The following GABRA3 variants were observed in gnomAD, a reference collection of about 807,000 sequenced individuals.
GABRA3 encodes gamma-aminobutyric acid receptor subunit alpha-3.
A neutral mutation model predicts 30.1 loss-of-function variants in GABRA3; 10 were observed. The observed-to-expected ratio is 0.33, with a 90% CI of 0.20 to 0.56. GABRA3 has a LOEUF of 0.56. GABRA3 is among the 20% of genes least tolerant of loss of function. The pLI, the probability that GABRA3 is intolerant of heterozygous loss-of-function variation, is 0.89. For missense variants in GABRA3, 233 were observed against 392.0 expected, an observed-to-expected ratio of 0.59 and a Z score of 3.42; for synonymous variants, 151 against 146.8, an observed-to-expected ratio of 1.03 and a Z score of -0.21.
chrX:152,182,569 T>C (rs1472771026), intron 9 of GABRA3, among the ~76,000 whole-genome samples: 19 of 77,309 alleles, frequency 2.5e-4, no homozygotes, highest in African/African-American at 9.9e-4. Context: ...ATATATACTA[T>C]ATATGCATAT....
intron 5 of GABRA3, among the ~76,000 whole-genome samples, chrX:152,238,794 G>C (rs1449718078): frequency 4.6e-5 from 5 of 107,970 alleles, no homozygotes; most frequent in African/African-American, 1.3e-4. Flanking sequence ...GGTGTTTGTA[G>C]TATTCTCTGA....
intron 4 of GABRA3, among the ~76,000 whole-genome samples, chrX:152,268,673 TC>T (rs1411570525): frequency 9.0e-6 from 1 of 111,702 alleles, no homozygotes; most frequent in Non-Finnish European, 1.9e-5. Flanking sequence ...GCTCAAGTGA[TC>T]CTCCCACCTC....
At chrX:152,301,282 A>C (rs1435313219) in intron 3 of GABRA3, among the ~76,000 whole-genome samples, 1 of 111,929 alleles carries the variant, frequency 8.9e-6, no homozygotes, top group African/African-American at 3.2e-5. Flanking sequence ...TTAGGAAAGA[A>C]GTAAAAATAA....
intron 6 of GABRA3, among the ~76,000 whole-genome samples, chrX:152,217,714 CTA>C (rs2124375452): frequency 9.0e-6 from 1 of 110,555 alleles, no homozygotes; most frequent in East Asian, 2.9e-4. Context: ...TTGTATATTT[CTA>C]TGACTTTTTT....
At chrX:152,345,847 A>G (rs1459096712) in intron 2 of GABRA3, 145 bp from the exon 3 acceptor site, 5 of 481,307 alleles carry the variant, frequency 1.0e-5, no homozygotes, top group Non-Finnish European at 1.3e-5. Context: ...CAATCACTAC[A>G]TATTTGTCAC....
intron 2 of GABRA3, among the ~76,000 whole-genome samples, chrX:152,354,339 T>C (rs1182450608): frequency 9.0e-6 from 1 of 111,666 alleles, no homozygotes; most frequent in Non-Finnish European, 1.9e-5. Context: ...AGGTCTGTTA[T>C]AAGGATTATA....
chrX:152,237,641 T>C (rs1471241018), intron 5 of GABRA3, among the ~76,000 whole-genome samples: 3 of 108,032 alleles, frequency 2.8e-5, no homozygotes, highest in Non-Finnish European at 5.7e-5. Flanking sequence ...TGGAATATTC[T>C]TCCATTTGTA....
At chrX:152,414,895 T>C (rs1434382628) in intron 1 of GABRA3, among the ~76,000 whole-genome samples, 3 of 103,060 alleles carry the variant, frequency 2.9e-5, no homozygotes, top group African/African-American at 1.1e-4. Flanking sequence ...CTTAAATGTA[T>C]ATTGCTAAGT....
intron 5 of GABRA3, among the ~76,000 whole-genome samples, chrX:152,243,005 A>G (rs1938406745): frequency 8.9e-6 from 1 of 112,395 alleles, no homozygotes; most frequent in African/African-American, 3.2e-5. Flanking sequence ...AAGATGTGGT[A>G]TATATACACA....
At chrX:152,381,244 T>C (rs1002310883) in intron 1 of GABRA3, among the ~76,000 whole-genome samples, 1 of 112,262 alleles carries the variant, frequency 8.9e-6, no homozygotes, top group Non-Finnish European at 1.9e-5. Flanking sequence ...TATTCCTTTA[T>C]AGAAACACAA....
intron 1 of GABRA3, among the ~76,000 whole-genome samples, chrX:152,418,724 A>G (rs1930298314): frequency 8.9e-6 from 1 of 111,979 alleles, no homozygotes; most frequent in Admixed American, 9.5e-5. Context: ...AGCAAATACA[A>G]AAGTTGGTTG....
At chrX:152,256,064 G>C in intron 4 of GABRA3, 66 bp from the exon 5 acceptor site, 4 of 792,953 alleles carry the variant, frequency 5.0e-6, no homozygotes, top group African/African-American at 2.0e-5. Flanking sequence ...AGTGCCCTTA[G>C]CAAATATTAA....
intron 1 of GABRA3, among the ~76,000 whole-genome samples, chrX:152,448,439 C>T (rs1046507726): frequency 1.8e-5 from 2 of 111,801 alleles, no homozygotes; most frequent in African/African-American, 6.5e-5. Flanking sequence ...CAGTCCATCT[C>T]AACATCTTAC....
At chrX:152,211,265 CT>C (rs1412066003) in intron 6 of GABRA3, among the ~76,000 whole-genome samples, 3 of 109,125 alleles carry the variant, frequency 2.7e-5, no homozygotes, top group Admixed American at 1.0e-4. Context: ...GATCTCTTAA[CT>C]TAAGTTGAGT....
At chrX:152,392,255 A>T (rs926687627) in intron 1 of GABRA3, 4 of 385,287 alleles carry the variant, frequency 1.0e-5, no homozygotes, top group Admixed American at 7.7e-5. Flanking sequence ...TCCGTGGTGC[A>T]TGAGCAGCCA....
At position 152,373,014 on chromosome X, in the gene GABRA3, A is replaced by G. The variant is rs139511349; in HGVS notation, c.-26-8418T>C. ...TTTGAGGTTCATGCCTCCTATCTGTATCACTCTCTGCCTTTCAATCTTACG... is the reference window on the plus strand; with the variant it reads ...TTTGAGGTTCATGCCTCCTATCTGTGTCACTCTCTGCCTTTCAATCTTACG... On this transcript the variant is annotated intron_variant, in intron 1 of 9. Transcript: ENST00000370314. 4.7e-3 allele frequency among the ~76,000 whole-genome samples: 528 copies of G among 111,618 alleles called. 5 individuals are homozygous for G. Among genetic ancestry groups the G allele is most frequent in the African/African-American group, 0.016 (507 of 30,744 alleles).
chrX:152,390,094 C>A (rs1170134635), intron 1 of GABRA3, among the ~76,000 whole-genome samples: 1 of 111,805 alleles, frequency 8.9e-6, no homozygotes, highest in Non-Finnish European at 1.9e-5. Flanking sequence ...TATGAACAAA[C>A]ATTCCTGGTG....
intron 2 of GABRA3, among the ~76,000 whole-genome samples, chrX:152,360,737 A>T (rs1394286761): frequency 3.6e-5 from 3 of 83,928 alleles, no homozygotes; most frequent in South Asian, 5.6e-4. Context: ...AAAAAAAAAA[A>T]TTAAAAAAAA....
chrX:152,215,595 T>C (rs1937705901), intron 6 of GABRA3, among the ~76,000 whole-genome samples: 1 of 111,258 alleles, frequency 9.0e-6, no homozygotes, highest in South Asian at 3.7e-4. Flanking sequence ...AAAAATGGAA[T>C]CAAAATGGAT....
Sources: allele counts gnomAD v4.1 joint callset (sites outside exome capture counted in the v4.1 genomes callset), GRCh38; gene constraint gnomAD v4.1.1; transcripts MANE v1.5; gene names NCBI Gene and HGNC (gene_info 2026-07-23, HGNC 2026-07-21).